Variants in RPA3 observed in about 807,000 individuals in gnomAD.
RPA3 encodes replication protein A3, also known as replication protein A 14 kDa subunit.
A neutral mutation model predicts 13.7 loss-of-function variants in RPA3; 24 were observed. That is an observed-to-expected ratio of 1.75 (90% CI 1.27 to 2.46). The LOEUF (loss-of-function observed/expected upper bound fraction) is 2.46. Among genes scored for constraint, RPA3 ranks in the 30% most tolerant of loss-of-function variants. The pLI is 0.00. For missense variants in RPA3, 183 were observed against 151.0 expected (o/e 1.21, Z -1.11); for synonymous variants, 59 against 51.2 (o/e 1.15, Z -0.65).
intron 4 of RPA3, among the ~76,000 whole-genome samples, chr7:7,667,670 G>C (rs1345931360): frequency 6.6e-6 from 1 of 152,168 alleles, no homozygotes; most frequent in Non-Finnish European, 1.5e-5. Flanking sequence ...TCACAGCATA[G>C]AGCTGAGCAA....
chr7:7,659,676 T>C (rs1448688424), intron 4 of RPA3, among the ~76,000 whole-genome samples: 2 of 151,766 alleles, frequency 1.3e-5, no homozygotes, highest in Non-Finnish European at 3.0e-5. Context: ...GAGACTGTTA[T>C]GATTTCCGTT....
chr7:7,654,902 CAA>C (rs71010994), intron 4 of RPA3, among the ~76,000 whole-genome samples: 30 of 139,408 alleles, frequency 2.2e-4, no homozygotes, highest in Non-Finnish European at 2.2e-4. Context: ...GACTCTGTCT[CAA>C]AAAAAAAAAA....
At chr7:7,705,526 A>G (rs1474206741) in intron 2 of RPA3, among the ~76,000 whole-genome samples, 2 of 152,244 alleles carry the variant, frequency 1.3e-5, no homozygotes, top group African/African-American at 2.4e-5. Flanking sequence ...TACATATTGT[A>G]TGTAATCATC....
intron 2 of RPA3, among the ~76,000 whole-genome samples, chr7:7,704,330 T>C (rs35639902): frequency 0.051 from 7,688 of 152,232 alleles, 247 homozygotes; most frequent in Middle Eastern, 0.12. Flanking sequence ...AAAATTTGTT[T>C]TGAAGTTTTG....
chr7:7,694,822 A>G (rs956985086), intron 2 of RPA3, among the ~76,000 whole-genome samples: 4 of 152,178 alleles, frequency 2.6e-5, no homozygotes, highest in Non-Finnish European at 5.9e-5. Flanking sequence ...AATCTTAGCT[A>G]TTGTGAATAG....
chr7:7,711,615 T>A (rs1780766292), intron 2 of RPA3, among the ~76,000 whole-genome samples: 1 of 152,130 alleles, frequency 6.6e-6, no homozygotes, highest in South Asian at 2.1e-4. Flanking sequence ...ATTGGACATT[T>A]TTATTTATGT....
At position 7,678,348 on chromosome 7, in the gene RPA3, C is replaced by T. The variant is rs146038749; in HGVS notation, c.-758+7482G>A. Among the ~76,000 whole-genome samples, 351 of 148,878 alleles carry T rather than the reference C, an allele frequency of 2.4e-3. 2 individuals are homozygous for T. Among genetic ancestry groups the T allele is most frequent in the African/African-American group, 8.1e-3 (328 of 40,588 alleles). On this transcript the variant is annotated intron_variant, in intron 4 of 7. Transcript: ENST00000223129. Reference sequence around the variant, plus strand: ...TTCTCTGATGATCAACAATATTGAACGTTTTTTTAATATGCCTATTGGTCA... The same window carrying T: ...TTCTCTGATGATCAACAATATTGAATGTTTTTTTAATATGCCTATTGGTCA...
intron 4 of RPA3, among the ~76,000 whole-genome samples, chr7:7,646,749 T>C (rs1451908125): frequency 6.6e-6 from 1 of 152,066 alleles, no homozygotes; most frequent in Non-Finnish European, 1.5e-5. Flanking sequence ...ATCTCCTCTC[T>C]GACCGTCCCC....
intron 2 of RPA3, among the ~76,000 whole-genome samples, chr7:7,694,376 A>G (rs1780255529): frequency 6.6e-6 from 1 of 152,140 alleles, no homozygotes; most frequent in Admixed American, 6.5e-5. Flanking sequence ...TTTGTGATAC[A>G]GGCACTCCAA....
intron 2 of RPA3, among the ~76,000 whole-genome samples, chr7:7,707,355 T>A (rs2115164338): frequency 6.6e-6 from 1 of 152,198 alleles, no homozygotes; most frequent in East Asian, 1.9e-4. Flanking sequence ...ACTACGGTAC[T>A]TTTTGCTTGC....
chr7:7,704,452 C>T (rs893668171), intron 2 of RPA3, among the ~76,000 whole-genome samples: 4 of 151,784 alleles, frequency 2.6e-5, no homozygotes, highest in Admixed American at 1.3e-4. Context: ...TTAACAACTG[C>T]TGCCATAAAG....
At chr7:7,666,674 G>C (rs2158715) in intron 4 of RPA3, among the ~76,000 whole-genome samples, 1 of 151,746 alleles carries the variant, frequency 6.6e-6, no homozygotes, top group African/African-American at 2.4e-5. Flanking sequence ...TTTTTTGCCC[G>C]GTTTTTATTG....
chr7:7,706,061 C>G (rs745803402), intron 2 of RPA3, among the ~76,000 whole-genome samples: 23 of 151,742 alleles, frequency 1.5e-4, no homozygotes, highest in Non-Finnish European at 3.2e-4. Context: ...GTCATTATTC[C>G]CTAGAATAAA....
At chr7:7,674,331 G>C (rs1233061020) in intron 4 of RPA3, among the ~76,000 whole-genome samples, 1 of 152,264 alleles carries the variant, frequency 6.6e-6, no homozygotes, top group East Asian at 1.9e-4. Context: ...GCTAGCATCA[G>C]CCAATGCTCT....
intron 4 of RPA3, among the ~76,000 whole-genome samples, chr7:7,660,867 G>T (rs1053709682): frequency 2.6e-5 from 4 of 152,180 alleles, no homozygotes; most frequent in Non-Finnish European, 4.4e-5. Context: ...GGTTGGAGAA[G>T]TTCTCCTGGA....
chr7:7,694,449 G>A (rs2115142759), intron 2 of RPA3, among the ~76,000 whole-genome samples: 1 of 152,100 alleles, frequency 6.6e-6, no homozygotes, highest in Admixed American at 6.5e-5. Flanking sequence ...TCACCCTGTT[G>A]TGCTATCAAA....
intron 4 of RPA3, among the ~76,000 whole-genome samples, chr7:7,648,414 C>T (rs984959482): frequency 1.3e-5 from 2 of 152,144 alleles, no homozygotes; most frequent in South Asian, 2.1e-4. Context: ...GTGTGTCTGT[C>T]TTGTAAATAG....
intron 2 of RPA3, among the ~76,000 whole-genome samples, chr7:7,688,544 C>T (rs1374040196): frequency 1.3e-5 from 2 of 152,144 alleles, no homozygotes; most frequent in Non-Finnish European, 2.9e-5. Context: ...GTGTCGTGTT[C>T]AGTGTCAAGA....
intron 4 of RPA3, among the ~76,000 whole-genome samples, chr7:7,654,379 C>G (rs1226060236): frequency 1.3e-5 from 2 of 152,144 alleles, no homozygotes; most frequent in East Asian, 3.9e-4. Flanking sequence ...TGTTAGTTTT[C>G]AAGATGACTT....
Sources: allele counts gnomAD v4.1 joint callset (sites outside exome capture counted in the v4.1 genomes callset), GRCh38; gene constraint gnomAD v4.1.1; transcripts MANE v1.5; gene names NCBI Gene and HGNC (gene_info 2026-07-23, HGNC 2026-07-21).